The following ZNF624 variants were observed in gnomAD, a reference collection of about 807,000 sequenced individuals.
ZNF624 encodes zinc finger protein 624.
ZNF624 carries 43 observed loss-of-function variants against 74.7 expected under a neutral mutation model. The observed-to-expected ratio is 0.58, with a 90% CI of 0.45 to 0.74. ZNF624 has a LOEUF of 0.74. ZNF624 is among the 30% of genes least tolerant of loss of function. ZNF624 has a pLI of 0.00. For synonymous variants in ZNF624, 331 were observed against 341.3 expected (o/e 0.97, Z 0.33); for missense variants, 820 against 1,030.0 (o/e 0.80, Z 2.79).
intron 3 of ZNF624, among the ~76,000 whole-genome samples, chr17:16,642,216 G>A (rs1909483757): frequency 6.6e-6 from 1 of 151,956 alleles, no homozygotes; most frequent in Non-Finnish European, 1.5e-5. Context: ...AAAGAAGAAA[G>A]GTGAGGCACT....
chr17:16,625,280 C>T (rs1329585902), intron 5 of ZNF624, among the ~76,000 whole-genome samples: 1 of 152,164 alleles, frequency 6.6e-6, no homozygotes, highest in East Asian at 1.9e-4. Context: ...CTCCTGGGTT[C>T]AAGCAATTCT....
intron 5 of ZNF624, among the ~76,000 whole-genome samples, chr17:16,625,848 G>A (rs1343777776): frequency 6.6e-6 from 1 of 151,576 alleles, no homozygotes; most frequent in East Asian, 1.9e-4. Context: ...ACACTTTAAT[G>A]CCTTTTAAAA....
chr17:16,629,943 C>G (rs1909167320), intron 5 of ZNF624, among the ~76,000 whole-genome samples: 1 of 152,110 alleles, frequency 6.6e-6, no homozygotes, highest in African/African-American at 2.4e-5. Flanking sequence ...ATTTCAGAGT[C>G]CATAAGTGAA....
At chr17:16,642,337 G>A (rs552683480) in intron 3 of ZNF624, among the ~76,000 whole-genome samples, 29 of 152,246 alleles carry the variant, frequency 1.9e-4, no homozygotes, top group African/African-American at 7.0e-4. Context: ...TTACATCAAT[G>A]GAATAGAACT....
chr17:16,631,537 T>C (rs9889227), intron 5 of ZNF624: 35,496 of 151,704 alleles, frequency 0.23, 4,650 homozygotes, highest in East Asian at 0.35. Flanking sequence ...AACAGCTTGG[T>C]CAACATAGTG....
chr17:16,650,550 A>ATCTTTT, intron 1 of ZNF624, among the ~76,000 whole-genome samples: 1 of 152,208 alleles, frequency 6.6e-6, no homozygotes, highest in South Asian at 2.1e-4. Flanking sequence ...GGTGGCAGAG[A>ATCTTTT]TCTTTTCCAG....
At chr17:16,649,901 A>G (rs1452181254) in intron 1 of ZNF624, among the ~76,000 whole-genome samples, 155 bp from the exon 2 acceptor site, 1 of 152,238 alleles carries the variant, frequency 6.6e-6, no homozygotes, top group East Asian at 1.9e-4. Context: ...TTGCTCCGGC[A>G]GAGCTCAAGA....
At chr17:16,627,217 A>G (rs1290487210) in intron 5 of ZNF624, among the ~76,000 whole-genome samples, 1 of 152,204 alleles carries the variant, frequency 6.6e-6, no homozygotes, top group East Asian at 1.9e-4. Context: ...AAAAGCTTAG[A>G]GTACATAAAG....
chr17:16,623,080 A>G lies in ZNF624; in HGVS notation c.1806T>C (p.His602=). 1 of 1,614,000 alleles carries G rather than the reference A, an allele frequency of 6.2e-7. No homozygotes were observed. The highest frequency in any genetic ancestry group is 8.5e-7 in the Non-Finnish European group (1 of 1,179,950). ...GTTTCTCTCCAGTGTGAATTCTCTG[A>G]TGTACAGTTAAGTGTGATTTTATTC... ...SFRIKSHLTV[H]QRIHTGEKPY... Residue 602 remains histidine, a synonymous_variant, in exon 6 of 6, where the codon CAT becomes CAC. Coordinates refer to ENST00000311331, the MANE Select transcript of ZNF624 (RefSeq NM_020787.4). This position sits in a 1 kb window ranked among gnomAD's most constrained non-coding sequence, Gnocchi z 5.3.
At chr17:16,634,346 GTTTC>G (rs1909276611) in intron 4 of ZNF624, among the ~76,000 whole-genome samples, 1 of 152,146 alleles carries the variant, frequency 6.6e-6, no homozygotes, top group African/African-American at 2.4e-5. Context: ...GAATACATTT[GTTTC>G]TTTCTTCTAG....
chr17:16,634,032 T>TA, intron 4 of ZNF624, 75 bp from the exon 5 acceptor site: 1 of 1,204,932 alleles, frequency 8.3e-7, no homozygotes, highest in Non-Finnish European at 1.2e-6. Context: ...TCTCAGTTCT[T>TA]AATCTTCTGG....
chr17:16,652,086 A>T (rs1011606742), intron 1 of ZNF624, among the ~76,000 whole-genome samples: 1 of 152,262 alleles, frequency 6.6e-6, no homozygotes, highest in East Asian at 1.9e-4. Flanking sequence ...TATTCTAGGG[A>T]CAGATACCCT....
chr17:16,624,705 A>G (rs1442193120), intron 5 of ZNF624, 196 bp from the exon 6 acceptor site: 2 of 517,642 alleles, frequency 3.9e-6, no homozygotes, highest in South Asian at 3.3e-5. Context: ...AGCAAATTCA[A>G]TGAAACTTTC....
chr17:16,616,407 G>A (rs1908793193), downstream of ZNF624, among the ~76,000 whole-genome samples: 1 of 151,968 alleles, frequency 6.6e-6, no homozygotes, highest in South Asian at 2.1e-4. Context: ...CATAACTCAA[G>A]CTTTATAAAA....
At chr17:16,647,431 C>G (rs1909619803) in intron 2 of ZNF624, 37 bp from the exon 3 acceptor site, 3 of 1,578,116 alleles carry the variant, frequency 1.9e-6, no homozygotes, top group Non-Finnish European at 2.6e-6. Flanking sequence ...CAGTGATAGG[C>G]TGCCTATGAC....
intron 1 of ZNF624, among the ~76,000 whole-genome samples, chr17:16,652,912 C>G (rs1189629011): frequency 6.6e-6 from 1 of 152,238 alleles, no homozygotes; most frequent in Non-Finnish European, 1.5e-5. Context: ...CAGTAGCCAC[C>G]TTATATGTTT....
chr17:16,632,715 C>T (rs1043884769), intron 5 of ZNF624, among the ~76,000 whole-genome samples: 1 of 152,210 alleles, frequency 6.6e-6, no homozygotes, highest in Non-Finnish European at 1.5e-5. Context: ...ATTGTAACAA[C>T]CTTTTAACTT....
chr17:16,631,205 C>T (rs1478511080), intron 5 of ZNF624: 1 of 152,036 alleles, frequency 6.6e-6, no homozygotes, highest in Non-Finnish European at 1.5e-5. Flanking sequence ...AAAATATTTT[C>T]CACTCAAAAA....
At chr17:16,614,838 C>G in the ZNF624 span, among the ~76,000 whole-genome samples, 4 of 151,962 alleles carry the variant, frequency 2.6e-5, no homozygotes, top group Admixed American at 2.6e-4. Context: ...AAAATATTAC[C>G]CACAATGACC....
Sources: allele counts gnomAD v4.1 joint callset (sites outside exome capture counted in the v4.1 genomes callset), GRCh38; gene constraint gnomAD v4.1.1; non-coding constraint Gnocchi (gnomAD v3.1); transcripts MANE v1.5; gene names NCBI Gene and HGNC (gene_info 2026-07-23, HGNC 2026-07-21).